The following POFUT3 variants were observed in gnomAD, a reference collection of about 807,000 sequenced individuals.
The protein encoded by POFUT3 is GDP-fucose protein O-fucosyltransferase 3.
chr8:33,425,799 G>A, the POFUT3 span, among the ~76,000 whole-genome samples: 1 of 151,580 alleles, frequency 6.6e-6, no homozygotes, highest in Non-Finnish European at 1.5e-5. Context: ...GGTGGTGCAT[G>A]CCTGTGGTCT....
the POFUT3 span, among the ~76,000 whole-genome samples, chr8:33,325,204 T>C: frequency 1.3e-5 from 2 of 152,168 alleles, no homozygotes; most frequent in Non-Finnish European, 2.9e-5. Flanking sequence ...ACCACACTTT[T>C]CACTATCTCT....
the POFUT3 span, among the ~76,000 whole-genome samples, chr8:33,393,007 A>G: frequency 1.6e-3 from 241 of 151,964 alleles, 3 homozygotes; most frequent in African/African-American, 5.7e-3. Context: ...AAAACAAAAA[A>G]AGAACCATGA....
chr8:33,345,631 C>T, the POFUT3 span, among the ~76,000 whole-genome samples: 5 of 151,162 alleles, frequency 3.3e-5, no homozygotes, highest in Admixed American at 6.6e-5. Context: ...AAACTCCTGA[C>T]GTCAAGTGAT....
the POFUT3 span, among the ~76,000 whole-genome samples, chr8:33,334,835 C>T: frequency 0.31 from 46,439 of 152,088 alleles, 8,134 homozygotes; most frequent in East Asian, 0.58. Flanking sequence ...TGTAACTTCA[C>T]TGAAGCAATT....
chr8:33,461,291 T>C, the POFUT3 span: 12 of 1,454,664 alleles, frequency 8.2e-6, no homozygotes, highest in Middle Eastern at 2.1e-4. Flanking sequence ...AGTGAAATAA[T>C]TGGAGTTTTG....
chr8:33,374,468 A>G, the POFUT3 span, among the ~76,000 whole-genome samples: 1 of 152,200 alleles, frequency 6.6e-6, no homozygotes, highest in African/African-American at 2.4e-5. Context: ...ACTGGAGGAG[A>G]CTAATGAAAC....
At chr8:33,424,343 A>G in the POFUT3 span, among the ~76,000 whole-genome samples, 1 of 152,142 alleles carries the variant, frequency 6.6e-6, no homozygotes. Context: ...GTTAGTTTCC[A>G]TCCCTCCCTA....
chr8:33,325,471 C>G, the POFUT3 span, among the ~76,000 whole-genome samples: 1 of 152,184 alleles, frequency 6.6e-6, no homozygotes, highest in Non-Finnish European at 1.5e-5. Context: ...GTGGAGTTAG[C>G]TATCACCACC....
At chr8:33,321,207 G>A in the POFUT3 span, among the ~76,000 whole-genome samples, 1 of 152,084 alleles carries the variant, frequency 6.6e-6, no homozygotes, top group Non-Finnish European at 1.5e-5. Context: ...TCAAGTGGCA[G>A]CAATTCTCTT....
At chr8:33,348,994 T>C in the POFUT3 span, among the ~76,000 whole-genome samples, 1 of 152,336 alleles carries the variant, frequency 6.6e-6, no homozygotes, top group African/African-American at 2.4e-5. Context: ...CATAAATACA[T>C]TGGAAAAAGA....
the POFUT3 span, among the ~76,000 whole-genome samples, chr8:33,325,737 G>A: frequency 6.6e-6 from 1 of 152,098 alleles, no homozygotes; most frequent in Admixed American, 6.6e-5. Context: ...TTGGGAGAAG[G>A]GATAGTGGAT....
the POFUT3 span, among the ~76,000 whole-genome samples, chr8:33,384,043 G>C: frequency 6.6e-6 from 1 of 150,946 alleles, no homozygotes; most frequent in Non-Finnish European, 1.5e-5. Context: ...GCTGAAACTG[G>C]TATCTACACA....
chr8:33,416,926 C>G, the POFUT3 span, among the ~76,000 whole-genome samples: 1 of 151,832 alleles, frequency 6.6e-6, no homozygotes, highest in Non-Finnish European at 1.5e-5. Context: ...CTTTATTACT[C>G]TACTTGGGAA....
the POFUT3 span, among the ~76,000 whole-genome samples, chr8:33,335,151 A>G: frequency 6.6e-3 from 964 of 145,858 alleles, 4 homozygotes; most frequent in Non-Finnish European, 0.011. Flanking sequence ...AAAGAAATAT[A>G]TGTGTGTGTG....
the POFUT3 span, among the ~76,000 whole-genome samples, chr8:33,458,926 C>G: frequency 1.3e-5 from 2 of 152,126 alleles, no homozygotes; most frequent in South Asian, 2.1e-4. Context: ...CTTTTATAAG[C>G]ATTACCTCAT....
the POFUT3 span, among the ~76,000 whole-genome samples, chr8:33,418,170 G>C: frequency 6.6e-6 from 1 of 152,156 alleles, no homozygotes; most frequent in African/African-American, 2.4e-5. Flanking sequence ...TGGCACCCCA[G>C]TGATATCCCC....
At chr8:33,456,221 A>G in the POFUT3 span, among the ~76,000 whole-genome samples, 6 of 152,348 alleles carry the variant, frequency 3.9e-5, no homozygotes, top group African/African-American at 1.4e-4. Context: ...GCCATAGGAT[A>G]CAACTCCAAA....
chr8:33,455,779 G>T, the POFUT3 span: 1 of 455,962 alleles, frequency 2.2e-6, no homozygotes, highest in Non-Finnish European at 4.4e-6. Flanking sequence ...CCTCTTTTAT[G>T]TGCTCGCTGC....
the POFUT3 span, chr8:33,453,209 T>C: frequency 6.2e-7 from 1 of 1,612,550 alleles, no homozygotes; most frequent in Non-Finnish European, 8.5e-7. Context: ...GCGAAAGTCC[T>C]GCTTACCATA....
Sources: allele counts gnomAD v4.1 joint callset (sites outside exome capture counted in the v4.1 genomes callset), GRCh38; gene constraint gnomAD v4.1.1; transcripts MANE v1.5; gene names NCBI Gene and HGNC (gene_info 2026-07-23, HGNC 2026-07-21).